Variants in CSPP1 observed in about 807,000 individuals in gnomAD.
CSPP1 encodes centrosome and spindle pole associated protein 1.
A neutral mutation model predicts 164.4 loss-of-function variants in CSPP1; 126 were observed. That is an observed-to-expected ratio of 0.77 (90% confidence interval 0.66 to 0.89). CSPP1 has a LOEUF of 0.89. Among genes scored for constraint, CSPP1 ranks in the 40% least tolerant of loss-of-function variants. CSPP1 has a pLI of 0.00. For synonymous variants in CSPP1, 472 were observed against 476.7 expected, an observed-to-expected ratio of 0.99 and a Z score of 0.13; for missense variants, 1,395 against 1,449.8, an observed-to-expected ratio of 0.96 and a Z score of 0.61.
intron 18 of CSPP1, among the ~76,000 whole-genome samples, chr8:67,150,740 C>T (rs1393964232): frequency 6.8e-6 from 1 of 147,106 alleles, no homozygotes; most frequent in East Asian, 1.9e-4. Flanking sequence ...CTATTAATAT[C>T]CTTTAATCAA....
intron 28 of CSPP1, among the ~76,000 whole-genome samples, chr8:67,183,379 G>C (rs546712394): frequency 1.4e-4 from 22 of 152,164 alleles, no homozygotes; most frequent in Non-Finnish European, 2.2e-4. Flanking sequence ...CATTCACCAG[G>C]ACAGATTACA....
chr8:67,086,871 C>T, intron 4 of CSPP1: 1 of 1,308,872 alleles, frequency 7.6e-7, no homozygotes, highest in Non-Finnish European at 1.0e-6. Context: ...AATACGTCCT[C>T]CTTCAGTTTT....
At chr8:67,159,711 G>A (rs1395729823) in intron 21 of CSPP1, among the ~76,000 whole-genome samples, 7 of 149,690 alleles carry the variant, frequency 4.7e-5, no homozygotes, top group African/African-American at 1.5e-4. Flanking sequence ...TAGCAGAGAC[G>A]GGGTTTCACC....
At chr8:67,077,820 G>A (rs1808283181) in intron 3 of CSPP1, among the ~76,000 whole-genome samples, 2 of 152,120 alleles carry the variant, frequency 1.3e-5, no homozygotes, top group African/African-American at 2.4e-5. Flanking sequence ...AGGGGATGCC[G>A]GCCAAGAAAC....
chr8:67,193,164 T>TGGA (rs1836888130), intron 29 of CSPP1, among the ~76,000 whole-genome samples: 1 of 152,178 alleles, frequency 6.6e-6, no homozygotes, highest in African/African-American at 2.4e-5. Context: ...TCTCCCAGGC[T>TGGA]GGAGTCCAGT....
chr8:67,175,564 C>A (rs1407756875), intron 26 of CSPP1, 128 bp downstream of exon 26: 1 of 1,100,666 alleles, frequency 9.1e-7, no homozygotes, highest in East Asian at 2.6e-5. Flanking sequence ...CTCACAGGGT[C>A]CGTTTGGTCT....
chr8:67,111,742 G>A (rs541678251), intron 9 of CSPP1, among the ~76,000 whole-genome samples: 2 of 152,264 alleles, frequency 1.3e-5, no homozygotes, highest in South Asian at 4.2e-4. Flanking sequence ...TTTGACTAAT[G>A]GTAGAGGCAT....
intron 28 of CSPP1, among the ~76,000 whole-genome samples, chr8:67,183,263 C>T (rs1020990491): frequency 6.6e-6 from 1 of 152,164 alleles, no homozygotes. Flanking sequence ...TCAGTAAGGA[C>T]GTAGTTGAGT....
At chr8:67,124,398 C>T (rs1195166931) in intron 15 of CSPP1, among the ~76,000 whole-genome samples, 2 of 152,136 alleles carry the variant, frequency 1.3e-5, no homozygotes. Flanking sequence ...CATTCCTTTT[C>T]CTCTACTTGA....
intron 17 of CSPP1, among the ~76,000 whole-genome samples, chr8:67,140,573 A>G (rs940535373): frequency 1.3e-5 from 2 of 152,232 alleles, no homozygotes; most frequent in East Asian, 1.9e-4. Context: ...ACTTGAAAAT[A>G]TATTAGAAAA....
At chr8:67,074,450 TTC>T (rs1807474381) in intron 2 of CSPP1, 99 bp downstream of exon 2, 2 of 666,990 alleles carry the variant, frequency 3.0e-6, no homozygotes, top group South Asian at 2.4e-5. Flanking sequence ...AGTGAGAATC[TTC>T]TGTTTTGTAG....
chr8:67,180,183 T>G (rs1350321503), intron 28 of CSPP1, among the ~76,000 whole-genome samples: 1 of 152,202 alleles, frequency 6.6e-6, no homozygotes, highest in African/African-American at 2.4e-5. Flanking sequence ...TGCCAAATGC[T>G]GGAATCAGCC....
chr8:67,189,865 G>A (rs551569748), intron 28 of CSPP1, among the ~76,000 whole-genome samples: 13 of 152,216 alleles, frequency 8.5e-5, no homozygotes, highest in South Asian at 4.2e-4. Flanking sequence ...AAGGAGTTGC[G>A]GAGGTTACCG....
In CSPP1 at chr8:67,196,102, A is replaced by G. The variant is rs145870153; in HGVS notation, c.*509A>G. On this transcript the variant is annotated 3_prime_UTR_variant, in exon 31 of 31. Coordinates refer to ENST00000678616, the MANE Select transcript of CSPP1 (RefSeq NM_001382391.1). ...GTAGCTACTGATACAGCAGAAATGA[A>G]GGGAACTGTAATTACTTGTATTTTT... is the stretch of plus-strand genomic sequence containing the variant. 6.5e-6 allele frequency: 1 copy of G among 153,564 alleles called. No homozygotes were observed. The highest frequency in any genetic ancestry group is 1.5e-5 in the Non-Finnish European group (1 of 68,896). 9.5% of individuals were successfully genotyped at this position (153,564 alleles called of 1,614,324 possible).
intron 1 of CSPP1, among the ~76,000 whole-genome samples, chr8:67,066,554 A>G (rs569381161): frequency 6.6e-6 from 1 of 152,130 alleles, no homozygotes; most frequent in South Asian, 2.1e-4. Context: ...AAACACTGCT[A>G]GATCTTTATT....
In CSPP1 at chr8:67,163,745, C is replaced by T. The variant is rs760713899; in HGVS notation, c.2657C>T (p.Ser886Phe). Residue 886 changes from serine to phenylalanine, a missense_variant, in exon 23 of 31, where the codon TCC (serine) becomes TTC (phenylalanine). By Grantham distance (155) the Ser-to-Phe change is radical. Transcript: ENST00000678616. ...IRSFIHESSM[S>F]RAQSPPVPAR... ...ATTGTTGAACAGGAAAGTTCCATGT[C>T]CAGGGCACAGTCACCCCCGGTACCT... 30 of 1,612,912 alleles carry T rather than the reference C, an allele frequency of 1.9e-5. No individual in the cohort carries two copies. The highest frequency in any genetic ancestry group is 2.5e-5 in the Non-Finnish European group (30 of 1,179,384).
intron 17 of CSPP1, among the ~76,000 whole-genome samples, chr8:67,142,539 G>T (rs1193250514): frequency 6.6e-6 from 1 of 152,080 alleles, no homozygotes; most frequent in Non-Finnish European, 1.5e-5. Context: ...TTTTCTGAAG[G>T]TATCACAGTT....
At chr8:67,083,266 G>T (rs972378572) in intron 3 of CSPP1, among the ~76,000 whole-genome samples, 28 of 151,958 alleles carry the variant, frequency 1.8e-4, no homozygotes, top group African/African-American at 6.8e-4. Flanking sequence ...GGGCGCAGTG[G>T]CTGAGGCCTG....
At chr8:67,113,373 T>C (rs1269769096) in intron 10 of CSPP1, among the ~76,000 whole-genome samples, 2 of 152,208 alleles carry the variant, frequency 1.3e-5, no homozygotes, top group Non-Finnish European at 2.9e-5. Context: ...ATCTACTGTT[T>C]GATGTTAGCT....
Sources: gnomAD v4.1 joint callset for allele counts (sites outside exome capture counted in the v4.1 genomes callset) on GRCh38, gnomAD v4.1.1 for gene constraint, MANE v1.5 for transcripts, NCBI Gene and HGNC (gene_info 2026-07-23, HGNC 2026-07-21) for gene names.